MAP3K5: variants seen among roughly 807,000 people sequenced by gnomAD.
MAP3K5 encodes mitogen-activated protein kinase kinase kinase 5.
A neutral mutation model predicts 158.7 loss-of-function variants in MAP3K5; 56 were observed. That is an observed-to-expected ratio of 0.35 (90% CI 0.28 to 0.44). The LOEUF (loss-of-function observed/expected upper bound fraction) is 0.44, where lower values mean the gene tolerates loss of function less well. MAP3K5 is among the 20% of genes least tolerant of loss of function. The pLI is 1.00. For missense variants in MAP3K5, 1,294 were observed against 1,674.8 expected (o/e 0.77, Z 3.97); for synonymous variants, 579 against 601.7 (o/e 0.96, Z 0.55).
chr6:136,662,581 CTT>C (rs1474148724), intron 8 of MAP3K5, among the ~76,000 whole-genome samples: 3 of 151,724 alleles, frequency 2.0e-5, no homozygotes, highest in African/African-American at 4.8e-5. Flanking sequence ...CTTCCTCTCT[CTT>C]TCTCTCTCAC....
chr6:136,667,850 GA>G (rs912902012), intron 8 of MAP3K5, among the ~76,000 whole-genome samples: 12 of 146,422 alleles, frequency 8.2e-5, no homozygotes, highest in Admixed American at 2.0e-4. Flanking sequence ...TGTCTCAGAA[GA>G]AAAAAAAAAT....
intron 2 of MAP3K5, among the ~76,000 whole-genome samples, chr6:136,715,473 T>C (rs1002415566): frequency 4.6e-5 from 7 of 152,222 alleles, no homozygotes; most frequent in Admixed American, 2.0e-4. Flanking sequence ...AAGACTCTCA[T>C]CTTCCCTTCC....
At position 136,650,967 on chromosome 6, in the gene MAP3K5, A is replaced by G; in HGVS notation, c.1788+17T>C. 2.0e-6 allele frequency: 3 copies of G among 1,528,738 alleles called. No individual in the cohort carries two copies. Among genetic ancestry groups the G allele is most frequent in the South Asian group, 2.3e-5 (2 of 88,190 alleles). 94.7% of individuals were successfully genotyped at this position (1,528,738 alleles called of 1,614,324 possible). A position where few individuals can be genotyped will look rare whatever the true frequency, so the allele number is the denominator to read the frequency against. Reference sequence around the variant, plus strand: ...CCTTGTTACTAATGCTCTTGTGTTAATAACTGCACAATTTACCTTGTCATC... The same window carrying G: ...CCTTGTTACTAATGCTCTTGTGTTAGTAACTGCACAATTTACCTTGTCATC... On this transcript the variant is annotated intron_variant, in intron 11 of 29. Transcript: ENST00000359015.
intron 19 of MAP3K5, among the ~76,000 whole-genome samples, chr6:136,602,960 T>C (rs998126905): frequency 2.0e-5 from 3 of 151,948 alleles, no homozygotes; most frequent in African/African-American, 7.2e-5. Context: ...ACTGCTATTC[T>C]AAAAAAAATT....
At position 136,557,627 on chromosome 6, in the gene MAP3K5, T is replaced by TTAA; in HGVS notation, c.*130_*131insTTA. 1.7e-6 allele frequency: 1 copy of TTAA among 574,792 alleles called. No individual in the cohort carries two copies. Among genetic ancestry groups the TTAA allele is most frequent in the Non-Finnish European group, 3.1e-6 (1 of 325,684 alleles). The allele number at this position is 574,792 out of a possible 1,614,324, so 35.6% of individuals were successfully genotyped here. A position where few individuals can be genotyped will look rare whatever the true frequency, so the allele number is the denominator to read the frequency against. ...GTGTTTTGTCTGTTTTTTTTTTTTT[T>TTAA]AACATGAGTAAACAAATACTGGATT... On this transcript the variant is annotated 3_prime_UTR_variant, in exon 30 of 30. Coordinates refer to ENST00000359015, the MANE Select transcript of MAP3K5 (RefSeq NM_005923.4).
chr6:136,656,159 G>A lies in MAP3K5; in HGVS notation c.1680+148C>T, dbSNP rs1416125660. On this transcript the variant is annotated intron_variant, in intron 10 of 29. Transcript: ENST00000359015. Reference sequence around the variant, plus strand: ...AAGTTATTTTTAAAAGTAAGCTAAAGCAAACCAATGTGCAGGAAATAAAGA... The same window carrying A: ...AAGTTATTTTTAAAAGTAAGCTAAAACAAACCAATGTGCAGGAAATAAAGA... 1.1e-5 allele frequency: 7 copies of A among 629,648 alleles called. No homozygotes were observed. In the Admixed American group the frequency reaches 1.8e-4, roughly 16 times the overall value. The allele number at this position is 629,648 out of a possible 1,614,324, so 39.0% of individuals were successfully genotyped here.
At chr6:136,563,242 T>C (rs1830596555) in intron 26 of MAP3K5, among the ~76,000 whole-genome samples, 1 of 152,096 alleles carries the variant, frequency 6.6e-6, no homozygotes, top group Non-Finnish European at 1.5e-5. Flanking sequence ...CTGATATTTC[T>C]TGTTATGACC....
At chr6:136,599,048 A>G (rs1775758571) in intron 21 of MAP3K5, among the ~76,000 whole-genome samples, 1 of 151,608 alleles carries the variant, frequency 6.6e-6, no homozygotes, top group Admixed American at 6.6e-5. Flanking sequence ...GTGGGCACCT[A>G]CAGTCCCAGC....
chr6:136,562,413 T>C (rs1830554093), intron 27 of MAP3K5, 90 bp downstream of exon 27: 1 of 588,206 alleles, frequency 1.7e-6, no homozygotes. Flanking sequence ...AAATGCTGAC[T>C]TAGCCACAAA....
At position 136,791,876 on chromosome 6, in the gene MAP3K5, T is replaced by C; in HGVS notation, c.282A>G (p.Ala94=). The change falls in exon 1 of 30, where the codon GCA becomes GCG. Residue 94 remains alanine, a synonymous_variant. Transcript: ENST00000359015. ...CTTGGCTCGCTTCGTTGATCACATA[T>C]GCCACCGTGGTCCGTCGGCTGCCCC... ...VGGGSRRTTV[A]YVINEASQGQ... is the part of the protein sequence containing the mutation. The C allele has an allele frequency of 1.9e-6, 3 of 1,613,616 alleles. No homozygotes were observed. The highest frequency in any genetic ancestry group is 2.5e-6 in the Non-Finnish European group (3 of 1,179,992).
At chr6:136,668,047 A>T (rs938964582) in intron 8 of MAP3K5, among the ~76,000 whole-genome samples, 5 of 151,948 alleles carry the variant, frequency 3.3e-5, no homozygotes, top group Non-Finnish European at 7.4e-5. Context: ...TCTTTTTTTT[A>T]AAGTCTAGGA....
At chr6:136,720,805 G>C (rs929949137) in intron 1 of MAP3K5, among the ~76,000 whole-genome samples, 1 of 152,146 alleles carries the variant, frequency 6.6e-6, no homozygotes, top group Non-Finnish European at 1.5e-5. Flanking sequence ...TAAGAGACAA[G>C]GTCTTGCTCT....
At chr6:136,672,059 C>A (rs1377417004) in intron 7 of MAP3K5, among the ~76,000 whole-genome samples, 1 of 151,806 alleles carries the variant, frequency 6.6e-6, no homozygotes. Context: ...GAAAAATTAC[C>A]CTAAATTTCC....
chr6:136,682,935 G>GA (rs1233542786), intron 7 of MAP3K5, among the ~76,000 whole-genome samples: 47 of 148,772 alleles, frequency 3.2e-4, no homozygotes, highest in South Asian at 4.2e-4. Context: ...CATCCAGAAA[G>GA]AAAAAAAAAG....
intron 2 of MAP3K5, among the ~76,000 whole-genome samples, chr6:136,707,382 A>T (rs897526585): frequency 6.6e-6 from 1 of 152,244 alleles, no homozygotes; most frequent in Admixed American, 6.5e-5. Context: ...GGTGGAACTC[A>T]AGCTGAGCTG....
chr6:136,689,254 T>C (rs1467813437), intron 7 of MAP3K5, among the ~76,000 whole-genome samples: 1 of 152,238 alleles, frequency 6.6e-6, no homozygotes, highest in Non-Finnish European at 1.5e-5. Context: ...GAGTTATGAT[T>C]GTGTCACTGT....
chr6:136,763,505 C>T (rs190779990), intron 1 of MAP3K5, among the ~76,000 whole-genome samples: 1 of 152,214 alleles, frequency 6.6e-6, no homozygotes, highest in African/African-American at 2.4e-5. Context: ...TCTACCCACC[C>T]TATCTATAGA....
intron 14 of MAP3K5, among the ~76,000 whole-genome samples, chr6:136,636,172 G>A (rs2129105101): frequency 6.6e-6 from 1 of 151,394 alleles, no homozygotes; most frequent in South Asian, 2.1e-4. Context: ...GAGGCCTTTG[G>A]GAGGTGATTA....
At chr6:136,663,606 CTT>C (rs145415185) in intron 8 of MAP3K5, among the ~76,000 whole-genome samples, 2,936 of 121,480 alleles carry the variant, frequency 0.024, 102 homozygotes, top group African/African-American at 0.096. Flanking sequence ...AAATTTCTCA[CTT>C]TTTTTTTTTT....
Sources: allele counts gnomAD v4.1 joint callset (sites outside exome capture counted in the v4.1 genomes callset), GRCh38; gene constraint gnomAD v4.1.1; transcripts MANE v1.5; gene names NCBI Gene and HGNC (gene_info 2026-07-23, HGNC 2026-07-21).